The following MAP2K5 variants were observed in gnomAD, a reference collection of about 807,000 sequenced individuals.
The protein encoded by MAP2K5 is mitogen-activated protein kinase kinase 5, also known as dual specificity mitogen-activated protein kinase kinase 5.
MAP2K5 carries 49 observed loss-of-function variants against 83.1 expected under a neutral mutation model. That is an observed-to-expected ratio of 0.59 (90% CI 0.47 to 0.75). The LOEUF (loss-of-function observed/expected upper bound fraction) is 0.75, where lower values mean the gene tolerates loss of function less well. MAP2K5 is among the 30% of genes least tolerant of loss of function. The probability of loss-of-function intolerance (pLI) is 0.00; values close to 1 mark genes in which losing one functional copy is unlikely to be tolerated. For missense variants in MAP2K5, 457 were observed against 557.5 expected (o/e 0.82, Z 1.82); for synonymous variants, 202 against 191.8 (o/e 1.05, Z -0.44).
chr15:67,756,248 T>C (rs1189475377), intron 19 of MAP2K5, among the ~76,000 whole-genome samples: 1 of 152,158 alleles, frequency 6.6e-6, no homozygotes, highest in Non-Finnish European at 1.5e-5. Flanking sequence ...TATGGCAACA[T>C]TTTCTCTCTC....
intron 2 of MAP2K5, among the ~76,000 whole-genome samples, chr15:67,553,872 C>T (rs1480550800): frequency 1.6e-5 from 2 of 126,668 alleles, no homozygotes; most frequent in Non-Finnish European, 3.1e-5. Context: ...GAGATTGCGC[C>T]ACTGCAGTCC....
In MAP2K5 at chr15:67,801,776, T is replaced by C. The variant is rs528296223; in HGVS notation, c.1243-4870T>C. 6.6e-6 allele frequency among the ~76,000 whole-genome samples: 1 copy of C among 152,114 alleles called. No individual in the cohort carries two copies. The highest frequency in any genetic ancestry group is 2.1e-4 in the South Asian group (1 of 4,816). ...GATGTATACATACAGAATATAGAAGTCACCTTTTCATGAGGGCCTACCACA... is the reference window on the plus strand; with the variant it reads ...GATGTATACATACAGAATATAGAAGCCACCTTTTCATGAGGGCCTACCACA... On this transcript the variant is annotated intron_variant, in intron 21 of 21. Coordinates refer to ENST00000178640, the MANE Select transcript of MAP2K5 (RefSeq NM_145160.3). The surrounding 1 kb of genome is among the most constrained non-coding windows in gnomAD (Gnocchi z 4.8).
chr15:67,601,557 T>C (rs1271304352), intron 8 of MAP2K5, among the ~76,000 whole-genome samples: 5 of 152,246 alleles, frequency 3.3e-5, no homozygotes, highest in African/African-American at 1.2e-4. Context: ...TGCATCACAT[T>C]ATGGTTGTGA....
intron 9 of MAP2K5, among the ~76,000 whole-genome samples, chr15:67,631,900 A>G (rs192344854): frequency 3.0e-4 from 46 of 152,204 alleles, no homozygotes; most frequent in African/African-American, 1.0e-3. Context: ...CAAACTGGTC[A>G]GGCTTGCCTT....
At chr15:67,662,927 C>T (rs2087275049) in intron 12 of MAP2K5, among the ~76,000 whole-genome samples, 1 of 152,090 alleles carries the variant, frequency 6.6e-6, no homozygotes, top group African/African-American at 2.4e-5. Flanking sequence ...CCCCAATATA[C>T]TTTATAAATT....
Position 67,778,060 on chromosome 15 carries a change from A to G in MAP2K5, c.1242+5308A>G, listed in dbSNP as rs954101048. 2.6e-5 allele frequency among the ~76,000 whole-genome samples: 4 copies of G among 152,210 alleles called. No homozygotes were observed. Among genetic ancestry groups the G allele is most frequent in the African/African-American group, 7.2e-5 (3 of 41,454 alleles). ...TCCCAGCAGCTGCAAACTTGAAGGC[A>G]TCTCATTTCTCAGCTAAGGCTTTAT... On this transcript the variant is annotated intron_variant, in intron 21 of 21. Transcript: ENST00000178640. This position sits in a 1 kb window ranked among gnomAD's most constrained non-coding sequence, Gnocchi z 5.0.
At chr15:67,730,420 G>A (rs769383083) in intron 17 of MAP2K5, among the ~76,000 whole-genome samples, 2 of 152,156 alleles carry the variant, frequency 1.3e-5, no homozygotes, top group Non-Finnish European at 2.9e-5. Flanking sequence ...GACTGGTTTG[G>A]TTTCTTTGAA....
At chr15:67,608,397 G>T (rs1251799233) in intron 8 of MAP2K5, among the ~76,000 whole-genome samples, 2 of 152,324 alleles carry the variant, frequency 1.3e-5, no homozygotes, top group East Asian at 3.9e-4. Context: ...AGCATGTGCT[G>T]TGTGGAGGGC....
intron 16 of MAP2K5, among the ~76,000 whole-genome samples, chr15:67,715,454 G>A (rs2088807835): frequency 6.6e-6 from 1 of 152,172 alleles, no homozygotes; most frequent in Admixed American, 6.5e-5. Flanking sequence ...ACTGAATAAA[G>A]CATTGTTGAG....
intron 3 of MAP2K5, among the ~76,000 whole-genome samples, chr15:67,566,977 C>G (rs1295963008): frequency 6.6e-6 from 1 of 152,062 alleles, no homozygotes; most frequent in Non-Finnish European, 1.5e-5. Context: ...TAAATAATAA[C>G]CAACATATTA....
rs967371036 is a variant in MAP2K5, at chr15:67,748,316, T to C, written c.1101+59T>C. On this transcript the variant is annotated intron_variant, in intron 18 of 21. Transcript: ENST00000178640. The surrounding 1 kb of genome is among the most constrained non-coding windows in gnomAD (Gnocchi z 4.0). The stretch of plus-strand genomic sequence containing the variant: ...TTCTTTTTCCTGATGGCTGCTTCCT[T>C]TGCATGCTTGAATGCCTTGTTTTAA... 7 of 1,401,206 alleles carry C rather than the reference T, an allele frequency of 5.0e-6. No homozygotes were observed. In the African/African-American group the frequency reaches 7.1e-5, roughly 14 times the overall value. 86.8% of individuals were successfully genotyped at this position (1,401,206 alleles called of 1,614,324 possible). A position where few individuals can be genotyped will look rare whatever the true frequency, so the allele number is the denominator to read the frequency against.
At chr15:67,600,648 A>G (rs1012337346) in intron 7 of MAP2K5, 37 bp from the exon 8 acceptor site, 1 of 1,547,060 alleles carries the variant, frequency 6.5e-7, no homozygotes, top group Non-Finnish European at 8.9e-7. Flanking sequence ...CATCCACAGC[A>G]TGACACCCTT....
intron 11 of MAP2K5, among the ~76,000 whole-genome samples, chr15:67,647,706 T>C (rs1003898267): frequency 6.6e-5 from 10 of 151,866 alleles, no homozygotes; most frequent in African/African-American, 2.4e-4. Flanking sequence ...CCCGTCTCTA[T>C]AGAAAATACA....
In MAP2K5 at chr15:67,781,611, G is replaced by A. The variant is rs1411979711; in HGVS notation, c.1242+8859G>A. Among the ~76,000 whole-genome samples, 1 of 152,020 alleles carries A rather than the reference G, an allele frequency of 6.6e-6. No homozygotes were observed. Among genetic ancestry groups the A allele is most frequent in the Non-Finnish European group, 1.5e-5 (1 of 67,998 alleles). On this transcript the variant is annotated intron_variant, in intron 21 of 21. Coordinates refer to ENST00000178640, the MANE Select transcript of MAP2K5 (RefSeq NM_145160.3). The surrounding 1 kb of genome is among the most constrained non-coding windows in gnomAD (Gnocchi z 4.0). ...TGTGGACTAGTTTCTTTCCAGTATC[G>A]TGGTTTACCGTTTCTCTGGTCTCTT...
chr15:67,662,218 T>A (rs1013618101), intron 12 of MAP2K5, among the ~76,000 whole-genome samples: 1 of 152,160 alleles, frequency 6.6e-6, no homozygotes, highest in African/African-American at 2.4e-5. Context: ...TATTAATTGA[T>A]ATAGATTTTG....
intron 6 of MAP2K5, among the ~76,000 whole-genome samples, chr15:67,590,428 T>TCC (rs2085375726): frequency 5.0e-5 from 4 of 80,592 alleles, no homozygotes; most frequent in Admixed American, 1.3e-4. Context: ...CCTCCCTCCC[T>TCC]CTCTCTCTCC....
intron 12 of MAP2K5, among the ~76,000 whole-genome samples, chr15:67,660,214 C>G (rs2087202187): frequency 6.6e-6 from 1 of 151,740 alleles, no homozygotes; most frequent in Admixed American, 6.6e-5. Context: ...CTTTGTCTGC[C>G]ACGGAAATGA....
At position 67,605,355 on chromosome 15, in the gene MAP2K5, C is replaced by CTCTTTTTGATAAA. The variant is rs2085757256; in HGVS notation, c.545+4606_545+4607insTCTTTTTGATAAA. ...GGCGTGAATCACCACCCCCAGCCAG[C>CTCTTTTTGATAAA]CATGGGACTCTTTTTGATAAACATC... On this transcript the variant is annotated intron_variant, in intron 8 of 21. Transcript: ENST00000178640. 2.0e-5 allele frequency among the ~76,000 whole-genome samples: 3 copies of CTCTTTTTGATAAA among 152,170 alleles called. No individual in the cohort carries two copies. In the South Asian group the frequency reaches 6.2e-4, roughly 32 times the overall value.
rs113772188 is a variant in MAP2K5, at chr15:67,719,431, G to A, written c.1045-8485G>A. 9.6e-3 allele frequency among the ~76,000 whole-genome samples: 1,456 copies of A among 152,266 alleles called. 25 individuals are homozygous for A. Among genetic ancestry groups the A allele is most frequent in the African/African-American group, 0.034 (1,400 of 41,544 alleles). ...GCTTATTGTCAACCTACTGCAAAAT[G>A]CTATTTCTGATGTCATGGAGAACAT... On this transcript the variant is annotated intron_variant, in intron 16 of 21. Transcript: ENST00000178640. The surrounding 1 kb of genome is among the most constrained non-coding windows in gnomAD (Gnocchi z 4.6).
Sources: allele counts gnomAD v4.1 joint callset (sites outside exome capture counted in the v4.1 genomes callset), GRCh38; gene constraint gnomAD v4.1.1; non-coding constraint Gnocchi (gnomAD v3.1); transcripts MANE v1.5; gene names NCBI Gene and HGNC (gene_info 2026-07-23, HGNC 2026-07-21).